NECAB1: variants seen among roughly 807,000 people sequenced by gnomAD.
The protein encoded by NECAB1 is N-terminal EF-hand calcium binding protein 1.
NECAB1 carries 29 observed loss-of-function variants against 57.5 expected under a neutral mutation model. The ratio of observed to expected loss-of-function variants is 0.50; its 90% CI spans 0.38 to 0.69. The LOEUF is 0.69. NECAB1 is among the 30% of genes least tolerant of loss of function. The pLI, the probability that NECAB1 is intolerant of heterozygous loss-of-function variation, is 0.00. For missense variants in NECAB1, 372 were observed against 413.8 expected (o/e 0.90, Z 0.88); for synonymous variants, 142 against 147.7 (o/e 0.96, Z 0.28).
chr8:90,795,708 T>TCACA (rs59863984), intron 1 of NECAB1, among the ~76,000 whole-genome samples: 3,318 of 147,832 alleles, frequency 0.022, 38 homozygotes, highest in Admixed American at 0.025. Flanking sequence ...CTCATCTCTC[T>TCACA]CACACACACA....
At chr8:90,825,832 A>C (rs1193441603) in intron 3 of NECAB1, among the ~76,000 whole-genome samples, 1 of 151,882 alleles carries the variant, frequency 6.6e-6, no homozygotes, top group Non-Finnish European at 1.5e-5. Flanking sequence ...GTTGACAGAA[A>C]CAGTATTCAT....
chr8:90,920,241 C>T (rs150412272), intron 6 of NECAB1, among the ~76,000 whole-genome samples: 4 of 152,202 alleles, frequency 2.6e-5, no homozygotes, highest in African/African-American at 7.2e-5. Flanking sequence ...TGATATTCCC[C>T]CTGAGAGGTT....
intron 8 of NECAB1, among the ~76,000 whole-genome samples, chr8:90,932,220 GT>G (rs1688665113): frequency 1.3e-5 from 2 of 152,110 alleles, no homozygotes; most frequent in South Asian, 4.1e-4. Flanking sequence ...GTACTTTTTA[GT>G]TTTCAATTCA....
At chr8:90,952,353 C>A (rs531325931) in intron 12 of NECAB1, among the ~76,000 whole-genome samples, 1 of 152,154 alleles carries the variant, frequency 6.6e-6, no homozygotes, top group East Asian at 1.9e-4. Context: ...TAGGTAAGAA[C>A]AAAATATCTA....
chr8:90,839,083 A>T (rs1363017144), intron 3 of NECAB1, among the ~76,000 whole-genome samples: 1 of 152,248 alleles, frequency 6.6e-6, no homozygotes, highest in Non-Finnish European at 1.5e-5. Context: ...GTTCTGTGCC[A>T]AAACAGCAAA....
intron 2 of NECAB1, among the ~76,000 whole-genome samples, chr8:90,806,054 G>A (rs1298984766): frequency 1.2e-4 from 19 of 152,130 alleles, no homozygotes; most frequent in Admixed American, 1.2e-3. Context: ...GTGGGGTGGG[G>A]GGCAAGAATA....
chr8:90,804,414 G>A (rs574633179), intron 2 of NECAB1, among the ~76,000 whole-genome samples: 28 of 151,998 alleles, frequency 1.8e-4, no homozygotes, highest in African/African-American at 6.5e-4. Flanking sequence ...AGTTTCAGGA[G>A]GAATAAGTTT....
chr8:90,804,361 G>T (rs78171080), intron 2 of NECAB1, among the ~76,000 whole-genome samples: 1,521 of 151,746 alleles, frequency 0.01, 23 homozygotes, highest in African/African-American at 0.034. Context: ...CTACAGAGGC[G>T]GGGGAGTGAA....
At chr8:90,814,507 A>G (rs983196306) in intron 2 of NECAB1, among the ~76,000 whole-genome samples, 12 of 152,188 alleles carry the variant, frequency 7.9e-5, no homozygotes, top group Non-Finnish European at 1.3e-4. Context: ...ACCCTTCTGC[A>G]TGGGAGATTT....
At chr8:90,875,718 C>T (rs1336839687) in intron 4 of NECAB1, among the ~76,000 whole-genome samples, 1 of 149,062 alleles carries the variant, frequency 6.7e-6, no homozygotes, top group Non-Finnish European at 1.5e-5. Flanking sequence ...TGGATAAAAA[C>T]TGAGGGTACG....
chr8:90,953,537 C>T (rs1205478500), intron 12 of NECAB1, among the ~76,000 whole-genome samples: 1 of 152,136 alleles, frequency 6.6e-6, no homozygotes, highest in Non-Finnish European at 1.5e-5. Flanking sequence ...TTTCGTAGAA[C>T]AAGAGGAAAA....
At chr8:90,898,199 A>C (rs1165139595) in intron 5 of NECAB1, among the ~76,000 whole-genome samples, 1 of 152,166 alleles carries the variant, frequency 6.6e-6, no homozygotes, top group African/African-American at 2.4e-5. Context: ...AGAACTACCA[A>C]GCCTGGCTGC....
chr8:90,796,585 A>G (rs1346998189), intron 1 of NECAB1, among the ~76,000 whole-genome samples: 1 of 152,242 alleles, frequency 6.6e-6, no homozygotes, highest in Non-Finnish European at 1.5e-5. Context: ...TATTTTTGAA[A>G]TAAAGGAATC....
At chr8:90,937,926 T>C (rs1285619128) in intron 9 of NECAB1, among the ~76,000 whole-genome samples, 1 of 152,178 alleles carries the variant, frequency 6.6e-6, no homozygotes, top group Admixed American at 6.5e-5. Context: ...TAACAGCGAC[T>C]ATCAAAATAT....
At chr8:90,929,644 G>T (rs1460274660) in intron 8 of NECAB1, among the ~76,000 whole-genome samples, 2 of 152,166 alleles carry the variant, frequency 1.3e-5, no homozygotes, top group Admixed American at 6.5e-5. Context: ...AGGGGGAAAA[G>T]TCTTGATAAC....
chr8:90,815,145 C>G (rs1414403965), intron 2 of NECAB1, among the ~76,000 whole-genome samples: 1 of 152,018 alleles, frequency 6.6e-6, no homozygotes, highest in Non-Finnish European at 1.5e-5. Flanking sequence ...ATTGTTTAAT[C>G]CCAGTCTACA....
At chr8:90,857,283 T>C (rs532366911) in intron 3 of NECAB1, among the ~76,000 whole-genome samples, 2 of 152,296 alleles carry the variant, frequency 1.3e-5, no homozygotes, top group Middle Eastern at 3.4e-3. Context: ...ATATTACTCC[T>C]ATTTGGCACA....
chr8:90,931,327 G>A (rs542012440), intron 8 of NECAB1, among the ~76,000 whole-genome samples: 1 of 152,282 alleles, frequency 6.6e-6, no homozygotes, highest in South Asian at 2.1e-4. Flanking sequence ...TCACTGCTGA[G>A]TACCTTGTCT....
intron 3 of NECAB1, among the ~76,000 whole-genome samples, chr8:90,845,072 G>A (rs953524270): frequency 2.0e-5 from 3 of 152,192 alleles, no homozygotes; most frequent in Non-Finnish European, 4.4e-5. Context: ...CTAATGGAAG[G>A]TCAGTCTTTT....
Sources: allele counts gnomAD v4.1 joint callset (sites outside exome capture counted in the v4.1 genomes callset), GRCh38; gene constraint gnomAD v4.1.1; transcripts MANE v1.5; gene names NCBI Gene and HGNC (gene_info 2026-07-23, HGNC 2026-07-21).